Variants in RUVBL1 observed in about 807,000 individuals in gnomAD.
RUVBL1 encodes RuvB like AAA ATPase 1.
Under a neutral mutation model 52.4 loss-of-function variants are expected in RUVBL1, and 4 were observed. The ratio of observed to expected loss-of-function variants is 0.08; its 90% CI spans 0.04 to 0.17. The LOEUF (loss-of-function observed/expected upper bound fraction) is 0.17, where lower values mean the gene tolerates loss of function less well. RUVBL1 is among the 10% of genes least tolerant of loss of function. The pLI is 1.00. For missense variants in RUVBL1, 298 were observed against 572.8 expected (o/e 0.52, Z 4.90); for synonymous variants, 217 against 214.4 (o/e 1.01, Z -0.10).
chr3:128,107,905 G>C (rs1391702147), intron 3 of RUVBL1, among the ~76,000 whole-genome samples: 1 of 152,156 alleles, frequency 6.6e-6, no homozygotes, highest in Non-Finnish European at 1.5e-5. Flanking sequence ...AGATGAATGT[G>C]GCATGAAATT....
chr3:128,130,196 A>T (rs1471084343), intron 1 of RUVBL1, among the ~76,000 whole-genome samples: 4 of 152,150 alleles, frequency 2.6e-5, no homozygotes, highest in African/African-American at 9.7e-5. Flanking sequence ...TAAAATCAGA[A>T]ATTACAGCAG....
chr3:128,112,564 T>A (rs1943419117), intron 3 of RUVBL1, among the ~76,000 whole-genome samples: 1 of 152,150 alleles, frequency 6.6e-6, no homozygotes, highest in Non-Finnish European at 1.5e-5. Context: ...CAAAACCTTT[T>A]CAGTGGATAG....
At chr3:128,152,274 T>A (rs1252033136) in intron 1 of RUVBL1, among the ~76,000 whole-genome samples, 1 of 152,142 alleles carries the variant, frequency 6.6e-6, no homozygotes, top group Non-Finnish European at 1.5e-5. Context: ...AATTTAGAGG[T>A]TTGTGGCCTC....
intron 1 of RUVBL1, among the ~76,000 whole-genome samples, chr3:128,145,100 C>T (rs1218585241): frequency 6.6e-6 from 1 of 152,204 alleles, no homozygotes; most frequent in Non-Finnish European, 1.5e-5. Context: ...CTGGATGAAG[C>T]AAGCTCTTCC....
intron 9 of RUVBL1, among the ~76,000 whole-genome samples, chr3:128,085,976 G>A (rs1407582117): frequency 6.6e-6 from 1 of 152,168 alleles, no homozygotes; most frequent in Non-Finnish European, 1.5e-5. Context: ...TTATGAACTT[G>A]GGCGAATTAG....
intron 1 of RUVBL1, among the ~76,000 whole-genome samples, chr3:128,122,767 T>G (rs1254075561): frequency 3.3e-5 from 5 of 152,184 alleles, no homozygotes; most frequent in Admixed American, 6.5e-5. Flanking sequence ...GGTGGCTGTA[T>G]CATCATAGAG....
chr3:128,126,549 A>G (rs1197098777), upstream of RUVBL1, among the ~76,000 whole-genome samples: 1 of 152,124 alleles, frequency 6.6e-6, no homozygotes, highest in East Asian at 1.9e-4. Flanking sequence ...CATCTCAAAA[A>G]AAAAAAAAAA....
At chr3:128,152,151 C>G (rs1013747846) in intron 1 of RUVBL1, among the ~76,000 whole-genome samples, 5 of 152,214 alleles carry the variant, frequency 3.3e-5, no homozygotes, top group African/African-American at 1.2e-4. Flanking sequence ...TTTGTTACCT[C>G]TGGTTGGTGA....
upstream of RUVBL1, among the ~76,000 whole-genome samples, chr3:128,127,215 C>T (rs1576482026): frequency 6.6e-6 from 1 of 152,222 alleles, no homozygotes; most frequent in Non-Finnish European, 1.5e-5. Flanking sequence ...CCTCGCCTTA[C>T]TTGCAGTGTA....
chr3:128,075,618 C>T (rs1014848670), intron 9 of RUVBL1, among the ~76,000 whole-genome samples: 4 of 152,018 alleles, frequency 2.6e-5, no homozygotes, highest in African/African-American at 9.7e-5. Flanking sequence ...CGCGACTTCC[C>T]AAGTCGTGCT....
chr3:128,127,200 AT>A (rs1943805994), upstream of RUVBL1, among the ~76,000 whole-genome samples: 1 of 152,216 alleles, frequency 6.6e-6, no homozygotes, highest in Non-Finnish European at 1.5e-5. Context: ...ATATCCCTGC[AT>A]CATCCTCGCC....
intron 1 of RUVBL1, among the ~76,000 whole-genome samples, chr3:128,150,692 T>TATTCTA (rs1944174602): frequency 7.8e-6 from 1 of 128,318 alleles, no homozygotes; most frequent in South Asian, 2.3e-4. Context: ...ATTCTATATA[T>TATTCTA]TATATATTCT....
At chr3:128,097,589 A>C in intron 7 of RUVBL1, 91 bp from the exon 8 acceptor site, 1 of 1,155,084 alleles carries the variant, frequency 8.7e-7, no homozygotes, top group Non-Finnish European at 1.3e-6. Flanking sequence ...ATCCAAACCC[A>C]TGCTAGGAGC....
intron 1 of RUVBL1, among the ~76,000 whole-genome samples, chr3:128,151,058 ATT>A (rs1944200032): frequency 9.4e-6 from 1 of 106,524 alleles, no homozygotes; most frequent in Non-Finnish European, 1.7e-5. Context: ...TTCTATATAT[ATT>A]ATATGTTCTC....
chr3:128,135,202 C>G (rs1943931986), intron 1 of RUVBL1, among the ~76,000 whole-genome samples: 1 of 152,142 alleles, frequency 6.6e-6, no homozygotes, highest in Non-Finnish European at 1.5e-5. Flanking sequence ...CAGTGGGAAC[C>G]TTACAGGCCT....
chr3:128,106,463 C>T (rs35437840), intron 3 of RUVBL1, among the ~76,000 whole-genome samples: 21,532 of 151,826 alleles, frequency 0.14, 1,729 homozygotes, highest in African/African-American at 0.21. Context: ...ACGTATCCCC[C>T]CCCCCTTCAC....
intron 1 of RUVBL1, among the ~76,000 whole-genome samples, chr3:128,149,677 T>C (rs1944156921): frequency 6.6e-6 from 1 of 152,218 alleles, no homozygotes; most frequent in Admixed American, 6.5e-5. Context: ...CCAGAGCAAC[T>C]GTCTGGAGGA....
At chr3:128,151,965 T>C (rs1944224805) in intron 1 of RUVBL1, among the ~76,000 whole-genome samples, 1 of 152,194 alleles carries the variant, frequency 6.6e-6, no homozygotes, top group Non-Finnish European at 1.5e-5. Context: ...GAGGAGGCAA[T>C]GTTGGGCTAG....
chr3:128,113,645 G>C (rs1334305846), intron 2 of RUVBL1, among the ~76,000 whole-genome samples: 2 of 152,086 alleles, frequency 1.3e-5, no homozygotes, highest in African/African-American at 4.8e-5. Context: ...TATTATTTTT[G>C]TTATTGTATT....
Sources: gnomAD v4.1 joint callset for allele counts (sites outside exome capture counted in the v4.1 genomes callset) on GRCh38, gnomAD v4.1.1 for gene constraint, MANE v1.5 for transcripts, NCBI Gene and HGNC (gene_info 2026-07-23, HGNC 2026-07-21) for gene names.